TBC1D9: variants seen among roughly 807,000 people sequenced by gnomAD.
TBC1D9 encodes TBC1 domain family member 9A.
TBC1D9 carries 63 observed loss-of-function variants against 132.0 expected under a neutral mutation model. The observed-to-expected ratio is 0.48, with a 90% CI of 0.39 to 0.59. TBC1D9 has a LOEUF of 0.59. TBC1D9 is among the 20% of genes least tolerant of loss of function. The probability of loss-of-function intolerance (pLI) is 0.00; values close to 1 mark genes in which losing one functional copy is unlikely to be tolerated. For missense variants in TBC1D9, 1,261 were observed against 1,592.7 expected (o/e 0.79, Z 3.54); for synonymous variants, 610 against 609.9 (o/e 1.00, Z 0.00).
chr4:140,707,509 G>C (rs745484171), intron 1 of TBC1D9, among the ~76,000 whole-genome samples: 1 of 152,144 alleles, frequency 6.6e-6, no homozygotes, highest in African/African-American at 2.4e-5. Context: ...TACTATCTGC[G>C]AAGATGGTAG....
intron 3 of TBC1D9, among the ~76,000 whole-genome samples, chr4:140,685,734 A>G (rs956028057): frequency 7.2e-5 from 11 of 152,204 alleles, no homozygotes; most frequent in African/African-American, 2.7e-4. Flanking sequence ...TAGTGTTGTT[A>G]TTTAATAGAA....
At chr4:140,745,641 T>C (rs537965021) in intron 1 of TBC1D9, among the ~76,000 whole-genome samples, 28 of 152,302 alleles carry the variant, frequency 1.8e-4, no homozygotes, top group Non-Finnish European at 2.8e-4. Flanking sequence ...ATAATACATA[T>C]AACAAAAAAT....
chr4:140,694,208 A>G (rs1737917435), intron 2 of TBC1D9, among the ~76,000 whole-genome samples: 1 of 152,226 alleles, frequency 6.6e-6, no homozygotes, highest in African/African-American at 2.4e-5. Flanking sequence ...AGTAGGGGAA[A>G]AAACCCTAGA....
intron 6 of TBC1D9, among the ~76,000 whole-genome samples, chr4:140,674,386 T>A (rs780591562): frequency 5.3e-4 from 81 of 152,210 alleles, no homozygotes; most frequent in Non-Finnish European, 2.9e-4. Flanking sequence ...CAGTTCGACT[T>A]CTGTTTGCTA....
intron 1 of TBC1D9, among the ~76,000 whole-genome samples, chr4:140,726,103 A>G (rs1738496923): frequency 6.6e-6 from 1 of 152,108 alleles, no homozygotes; most frequent in Non-Finnish European, 1.5e-5. Context: ...AGCCTGGCCA[A>G]TATGGCAAAA....
chr4:140,751,376 C>T (rs1032493905), intron 1 of TBC1D9, among the ~76,000 whole-genome samples: 3 of 152,020 alleles, frequency 2.0e-5, no homozygotes, highest in Admixed American at 2.0e-4. Flanking sequence ...AAATGAATGT[C>T]CACAAAAAGT....
At position 140,649,960 on chromosome 4, in the gene TBC1D9, G is replaced by A. The variant is rs527908821; in HGVS notation, c.2337+7137C>T. On this transcript the variant is annotated intron_variant, in intron 13 of 20. Transcript: ENST00000442267. ...TTTGAATACAGTATTTATATTTTACGTAAAAATATATCATTTAATATTTTA... is the reference window on the plus strand; with the variant it reads ...TTTGAATACAGTATTTATATTTTACATAAAAATATATCATTTAATATTTTA... Among the ~76,000 whole-genome samples, 8 of 152,144 alleles carry A rather than the reference G, an allele frequency of 5.3e-5. No individual in the cohort carries two copies. In the East Asian group the frequency reaches 5.8e-4, roughly 11 times the overall value.
rs1243092053 is a variant in TBC1D9, at chr4:140,699,764, C to A, written c.241+1740G>T. 5.3e-5 allele frequency among the ~76,000 whole-genome samples: 8 copies of A among 152,126 alleles called. No homozygotes were observed. The South Asian group carries it at 1.4e-3, about 28-fold the overall frequency. On this transcript the variant is annotated intron_variant, in intron 2 of 20. Transcript: ENST00000442267. ...GAGGGAAATCTGAACAAACAATGGACTTTACTTACAAATAATGTATCAACA... is the reference window on the plus strand; with the variant it reads ...GAGGGAAATCTGAACAAACAATGGAATTTACTTACAAATAATGTATCAACA...
intron 1 of TBC1D9, among the ~76,000 whole-genome samples, chr4:140,741,682 C>A (rs1738760765): frequency 6.6e-6 from 1 of 152,204 alleles, no homozygotes; most frequent in Non-Finnish European, 1.5e-5. Flanking sequence ...CATGCCAATG[C>A]ACTCTAGCCT....
At chr4:140,629,356 A>C (rs1736757529) in intron 16 of TBC1D9, among the ~76,000 whole-genome samples, 1 of 152,214 alleles carries the variant, frequency 6.6e-6, no homozygotes, top group Non-Finnish European at 1.5e-5. Context: ...ACTTTGGGGA[A>C]AGAAAATGTC....
At chr4:140,724,652 A>C (rs558713427) in intron 1 of TBC1D9, among the ~76,000 whole-genome samples, 2 of 152,094 alleles carry the variant, frequency 1.3e-5, no homozygotes, top group Admixed American at 6.5e-5. Flanking sequence ...AAAAAAAAAA[A>C]AACTTGCAAC....
intron 18 of TBC1D9, among the ~76,000 whole-genome samples, chr4:140,624,667 C>A (rs2110962235): frequency 6.6e-6 from 1 of 152,288 alleles, no homozygotes; most frequent in African/African-American, 2.4e-5. Flanking sequence ...AATTTTACTA[C>A]ATGTCCCATA....
chr4:140,698,393 G>A (rs1332449216), intron 2 of TBC1D9, among the ~76,000 whole-genome samples: 1 of 152,150 alleles, frequency 6.6e-6, no homozygotes, highest in Non-Finnish European at 1.5e-5. Flanking sequence ...CATGGGCTGT[G>A]TAAACAATGG....
chr4:140,718,246 A>AG (rs1738368116), intron 1 of TBC1D9, among the ~76,000 whole-genome samples: 3 of 96,324 alleles, frequency 3.1e-5, no homozygotes, highest in Admixed American at 1.0e-4. Context: ...TCCTTTTTTC[A>AG]GAAAAAAAAA....
At chr4:140,735,619 G>C (rs185671495) in intron 1 of TBC1D9, among the ~76,000 whole-genome samples, 2 of 152,150 alleles carry the variant, frequency 1.3e-5, no homozygotes, top group African/African-American at 2.4e-5. Context: ...ACTGAGGCAG[G>C]AGAATCACTT....
At chr4:140,681,055 G>A (rs1406419821) in intron 3 of TBC1D9, among the ~76,000 whole-genome samples, 1 of 152,134 alleles carries the variant, frequency 6.6e-6, no homozygotes, top group African/African-American at 2.4e-5. Context: ...GAGTAGCCTA[G>A]ACCCATGTAC....
intron 20 of TBC1D9, among the ~76,000 whole-genome samples, chr4:140,623,142 T>C (rs939445461): frequency 6.6e-6 from 1 of 152,204 alleles, no homozygotes; most frequent in Non-Finnish European, 1.5e-5. Flanking sequence ...TGGAGTGCAG[T>C]GGTGCAATCA....
intron 13 of TBC1D9, among the ~76,000 whole-genome samples, chr4:140,647,569 A>G (rs972312587): frequency 6.6e-6 from 1 of 152,212 alleles, no homozygotes; most frequent in African/African-American, 2.4e-5. Context: ...TTGGAGATAA[A>G]GTTCCAATAA....
intron 9 of TBC1D9, among the ~76,000 whole-genome samples, chr4:140,666,868 A>G (rs1184783448): frequency 6.6e-6 from 1 of 152,228 alleles, no homozygotes; most frequent in Non-Finnish European, 1.5e-5. Flanking sequence ...TAATTCAGAA[A>G]AGTGGAGCCC....
Sources: gnomAD v4.1 joint callset for allele counts (sites outside exome capture counted in the v4.1 genomes callset) on GRCh38, gnomAD v4.1.1 for gene constraint, MANE v1.5 for transcripts, NCBI Gene and HGNC (gene_info 2026-07-23, HGNC 2026-07-21) for gene names.